BMP6: variants seen among roughly 807,000 people sequenced by gnomAD.
BMP6 encodes the protein VG-1-R.
Under a neutral mutation model 54.1 loss-of-function variants are expected in BMP6, and 17 were observed. The observed-to-expected ratio is 0.31, with a 90% confidence interval of 0.22 to 0.47. BMP6 has a LOEUF of 0.47. Ranked by LOEUF, BMP6 falls within the 20% of genes least tolerant of loss-of-function variation. The probability of loss-of-function intolerance (pLI) is 1.00; values close to 1 mark genes in which losing one functional copy is unlikely to be tolerated. For missense variants in BMP6, 720 were observed against 690.4 expected (o/e 1.04, Z -0.48); for synonymous variants, 328 against 291.2 (o/e 1.13, Z -1.28).
At chr6:7,832,034 TAAGGTAGACAC>T (rs1246678000) in intron 1 of BMP6, among the ~76,000 whole-genome samples, 1 of 152,114 alleles carries the variant, frequency 6.6e-6, no homozygotes, top group Admixed American at 6.5e-5. Context: ...CCCAGCAGGT[TAAGGTAGACAC>T]GCAAACAGCT....
chr6:7,742,895 G>A (rs1384160477), intron 1 of BMP6, among the ~76,000 whole-genome samples: 1 of 152,094 alleles, frequency 6.6e-6, no homozygotes, highest in African/African-American at 2.4e-5. Flanking sequence ...GGTAGGTCCT[G>A]GAACAGAGAT....
In BMP6 at chr6:7,727,357, C is replaced by T. The variant is rs1761751966; in HGVS notation, c.402C>T (p.Leu134=). 3 of 1,610,144 alleles carry T rather than the reference C, an allele frequency of 1.9e-6. No homozygotes were observed. Among genetic ancestry groups the T allele is most frequent in the East Asian group, 2.2e-5 (1 of 44,738 alleles). The part of the protein sequence containing the change: ...PPPGRLKSAP[L]FMLDLYNALS... Reference sequence around the variant, plus strand: ...CCGGGCGACTGAAGTCCGCGCCCCTCTTCATGCTGGATCTGTACAACGCCC... The same window carrying T: ...CCGGGCGACTGAAGTCCGCGCCCCTTTTCATGCTGGATCTGTACAACGCCC... The change falls in exon 1 of 7, where the codon CTC becomes CTT. Residue 134 remains leucine, a synonymous_variant. Coordinates refer to ENST00000283147, the MANE Select transcript of BMP6 (RefSeq NM_001718.6).
At chr6:7,737,257 C>G (rs1267527893) in intron 1 of BMP6, among the ~76,000 whole-genome samples, 1 of 151,754 alleles carries the variant, frequency 6.6e-6, no homozygotes, top group Non-Finnish European at 1.5e-5. Context: ...CTCATAACAT[C>G]TGACTTAGGA....
At chr6:7,792,321 A>G (rs1758121001) in intron 1 of BMP6, among the ~76,000 whole-genome samples, 1 of 152,236 alleles carries the variant, frequency 6.6e-6, no homozygotes. Flanking sequence ...AGCAACACCT[A>G]GATTAGTGTT....
intron 1 of BMP6, among the ~76,000 whole-genome samples, chr6:7,786,138 T>C (rs1758016144): frequency 6.6e-6 from 1 of 152,218 alleles, no homozygotes; most frequent in Admixed American, 6.5e-5. Context: ...AAGGAAAGAT[T>C]TCCTGATAGT....
chr6:7,869,538 G>A (rs1759486514), intron 4 of BMP6, among the ~76,000 whole-genome samples: 1 of 152,192 alleles, frequency 6.6e-6, no homozygotes, highest in Non-Finnish European at 1.5e-5. Context: ...CCTTCTGTTG[G>A]GGCCAAGGGT....
Position 7,880,696 on chromosome 6 carries a change from G to T in BMP6, c.*353G>T. The T allele has an allele frequency of 3.3e-6, 1 of 305,626 alleles. No individual in the cohort carries two copies. Among genetic ancestry groups the T allele is most frequent in the Non-Finnish European group, 6.2e-6 (1 of 160,904 alleles). 18.9% of individuals were successfully genotyped at this position (305,626 alleles called of 1,614,324 possible). A position where few individuals can be genotyped will look rare whatever the true frequency, so the allele number is the denominator to read the frequency against. On this transcript the variant is annotated 3_prime_UTR_variant, in exon 7 of 7. Transcript: ENST00000283147. ...TATTTGGGGTGTTTGTTAGTAAATA[G>T]GGAAAATAATCTCAAAGGAGTTAAA...
chr6:7,878,325 G>A (rs1041521587), intron 4 of BMP6, among the ~76,000 whole-genome samples: 4 of 152,200 alleles, frequency 2.6e-5, no homozygotes, highest in East Asian at 1.9e-4. Context: ...GGCATGTCAC[G>A]TAAGAGTCGC....
intron 1 of BMP6, among the ~76,000 whole-genome samples, chr6:7,796,324 G>T (rs775193364): frequency 7.2e-5 from 11 of 152,230 alleles, no homozygotes; most frequent in Non-Finnish European, 7.3e-5. Context: ...GAATGTTTTG[G>T]CAGATTTTAT....
At position 7,727,037 on chromosome 6, in the gene BMP6, C is replaced by G; in HGVS notation, c.82C>G (p.Arg28Gly). 1.8e-6 allele frequency: 2 copies of G among 1,131,992 alleles called. No homozygotes were observed. Among genetic ancestry groups the G allele is most frequent in the Non-Finnish European group, 2.2e-6 (2 of 925,686 alleles). The allele number at this position is 1,131,992 out of a possible 1,614,324, so 70.1% of individuals were successfully genotyped here. A position where few individuals can be genotyped will look rare whatever the true frequency, so the allele number is the denominator to read the frequency against. Residue 28 changes from arginine (R) to glycine (G), a missense_variant, in exon 1 of 7, where the codon CGG (arginine) becomes GGG (glycine). Arg to Gly is a moderately radical substitution (Grantham distance 125). This residue lies in a region of BMP6 where 650 missense variants were observed against 556.3 expected (regional missense o/e 1.17). Coordinates refer to ENST00000283147, the MANE Select transcript of BMP6 (RefSeq NM_001718.6). ...CAGCTGCTGCGGGCCCCCGCCGCTG[C>G]GGCCGCCCTTGCCCGCTGCCGCGGC... ...LCSCCGPPPLRPPLPAAAAAA... is the reference protein window; with the variant it reads ...LCSCCGPPPLGPPLPAAAAAA...
intron 2 of BMP6, among the ~76,000 whole-genome samples, chr6:7,860,441 G>A (rs1759316440): frequency 6.6e-6 from 1 of 152,124 alleles, no homozygotes; most frequent in African/African-American, 2.4e-5. Context: ...GGATGGATAC[G>A]CAGATTCAGA....
At chr6:7,747,946 A>G (rs1181899301) in intron 1 of BMP6, among the ~76,000 whole-genome samples, 1 of 152,108 alleles carries the variant, frequency 6.6e-6, no homozygotes, top group African/African-American at 2.4e-5. Flanking sequence ...GTGCCAGGCT[A>G]TGGACTTCTA....
intron 2 of BMP6, among the ~76,000 whole-genome samples, chr6:7,847,205 G>A (rs267194): frequency 0.43 from 64,805 of 151,986 alleles, 14,299 homozygotes; most frequent in East Asian, 0.71. Context: ...CTATCAAAGC[G>A]GAGAGTTGTA....
chr6:7,854,224 C>T (rs112762524), intron 2 of BMP6, among the ~76,000 whole-genome samples: 4,409 of 152,252 alleles, frequency 0.029, 85 homozygotes, highest in Middle Eastern at 0.075. Context: ...GCTTTGGTTA[C>T]GTGTGTCTCC....
intron 1 of BMP6, among the ~76,000 whole-genome samples, chr6:7,798,277 A>G (rs979082618): frequency 3.3e-5 from 5 of 152,232 alleles, no homozygotes; most frequent in African/African-American, 1.2e-4. Flanking sequence ...ATGAGTCACA[A>G]AGCAGAACCA....
At chr6:7,747,928 G>A (rs907024723) in intron 1 of BMP6, among the ~76,000 whole-genome samples, 1 of 152,170 alleles carries the variant, frequency 6.6e-6, no homozygotes, top group Non-Finnish European at 1.5e-5. Flanking sequence ...TTATAGGCGT[G>A]AGCCACTGTG....
chr6:7,789,239 A>G (rs1331926435), intron 1 of BMP6, among the ~76,000 whole-genome samples: 2 of 152,176 alleles, frequency 1.3e-5, no homozygotes, highest in African/African-American at 2.4e-5. Flanking sequence ...GGAGGAGGAA[A>G]CGAGAACTGA....
intron 2 of BMP6, among the ~76,000 whole-genome samples, chr6:7,849,655 T>C (rs1371322890): frequency 6.6e-6 from 1 of 152,250 alleles, no homozygotes; most frequent in Non-Finnish European, 1.5e-5. Flanking sequence ...GGCATACTTT[T>C]ACTGTTGTAA....
chr6:7,814,491 T>C (rs943338430), intron 1 of BMP6, among the ~76,000 whole-genome samples: 8 of 152,234 alleles, frequency 5.3e-5, no homozygotes, highest in Non-Finnish European at 1.2e-4. Flanking sequence ...GTTTGAGTGT[T>C]TTTTTTCTTC....
Sources: gnomAD v4.1 joint callset for allele counts (sites outside exome capture counted in the v4.1 genomes callset) on GRCh38, gnomAD v4.1.1 for gene constraint, gnomAD v4.1.1 regional missense constraint, MANE v1.5 for transcripts, NCBI Gene and HGNC (gene_info 2026-07-23, HGNC 2026-07-21) for gene names.